EMP1: variants seen among roughly 807,000 people sequenced by gnomAD.
The protein encoded by EMP1 is tumor-associated membrane protein.
EMP1 carries 5 observed loss-of-function variants against 15.7 expected under a neutral mutation model. The observed-to-expected ratio is 0.32, with a 90% CI of 0.17 to 0.67. The LOEUF is 0.67. EMP1 is among the 30% of genes least tolerant of loss of function. The pLI is 0.74. For missense variants in EMP1, 166 were observed against 194.2 expected (o/e 0.85, Z 0.86); for synonymous variants, 78 against 76.7 (o/e 1.02, Z -0.09).
intron 2 of EMP1, among the ~76,000 whole-genome samples, chr12:13,212,550 C>CATTCTATATGTCTAT (rs1356626251): frequency 6.6e-6 from 1 of 152,192 alleles, no homozygotes; most frequent in Non-Finnish European, 1.5e-5. Context: ...GTAATTTAGC[C>CATTCTATATGTCTAT]ATTCTATATG....
chr12:13,204,776 C>T (rs924365781), intron 1 of EMP1, among the ~76,000 whole-genome samples: 2 of 152,154 alleles, frequency 1.3e-5, no homozygotes, highest in Non-Finnish European at 2.9e-5. Context: ...TTACAGTTAT[C>T]CAGAAAGAGA....
intron 4 of EMP1, chr12:13,214,167 A>G (rs1309457945): frequency 3.3e-6 from 2 of 601,922 alleles, no homozygotes; most frequent in Non-Finnish European, 5.9e-6. Context: ...TTCTCACTTA[A>G]TTGTTGTTCT....
intron 1 of EMP1, among the ~76,000 whole-genome samples, chr12:13,200,470 C>A (rs1386507990): frequency 6.6e-6 from 1 of 152,184 alleles, no homozygotes; most frequent in East Asian, 1.9e-4. Flanking sequence ...TCACCATAAG[C>A]TTCCCTTTTC....
chr12:13,202,074 A>G (rs924948345), intron 1 of EMP1, among the ~76,000 whole-genome samples: 1 of 152,154 alleles, frequency 6.6e-6, no homozygotes, highest in Non-Finnish European at 1.5e-5. Context: ...ACCTAGAAGC[A>G]GGAGAAAAAG....
intron 2 of EMP1, 105 bp from the exon 3 acceptor site, chr12:13,213,374 G>GA: frequency 9.8e-7 from 1 of 1,017,634 alleles, no homozygotes; most frequent in South Asian, 1.5e-5. Flanking sequence ...TAGCTAAATA[G>GA]AATGTCTTTA....
chr12:13,200,347 G>A (rs895670494), intron 1 of EMP1, among the ~76,000 whole-genome samples: 5 of 152,094 alleles, frequency 3.3e-5, no homozygotes, highest in African/African-American at 1.2e-4. Flanking sequence ...TAGTAATTAC[G>A]GGAACAGGCT....
rs1864218780 is a variant in EMP1, at chr12:13,216,665, C to A, written c.*1974C>A. ...ATTACTCTGGTGGATTGTTCTAGTA[C>A]TGTATTGGGCTTCTTCGTTAATAGA... On this transcript the variant is annotated 3_prime_UTR_variant, in exon 5 of 5. Coordinates refer to ENST00000256951, the MANE Select transcript of EMP1 (RefSeq NM_001423.3). The A allele has an allele frequency of 1.9e-6, 1 of 519,974 alleles. No homozygotes were observed. Among genetic ancestry groups the A allele is most frequent in the African/African-American group, 2.0e-5 (1 of 50,618 alleles). The allele number at this position is 519,974 out of a possible 1,614,324, so 32.2% of individuals were successfully genotyped here. A position where few individuals can be genotyped will look rare whatever the true frequency, so the allele number is the denominator to read the frequency against.
Position 13,199,943 on chromosome 12 carries a change from T to TTTC in EMP1, c.-43+3092_-43+3094dup, listed in dbSNP as rs760303373. On this transcript the variant is annotated intron_variant, in intron 1 of 4. Transcript: ENST00000256951. ...TTGATGGATCTACATTGCATTATCTTTTCTTCTTCTTCTTCTTCTTCTTTT... is the reference window on the plus strand; with the variant it reads ...TTGATGGATCTACATTGCATTATCTTTTCTTCTTCTTCTTCTTCTTCTTCTTTT... Among the ~76,000 whole-genome samples, 599 of 149,516 alleles carry TTTC rather than the reference T, an allele frequency of 4.0e-3. 2 individuals are homozygous for TTTC. The highest frequency in any genetic ancestry group is 6.7e-3 in the Admixed American group (101 of 15,086).
chr12:13,207,793 T>C (rs936182058), intron 1 of EMP1, among the ~76,000 whole-genome samples: 2 of 152,300 alleles, frequency 1.3e-5, no homozygotes, highest in South Asian at 4.1e-4. Context: ...GTTCCTGGCA[T>C]CCACATAGAA....
Position 13,213,751 on chromosome 12 carries a change from C to G in EMP1, c.246C>G (p.Phe82Leu), listed in dbSNP as rs780084917. The change falls in exon 4 of 5, where the codon TTC becomes TTG. Residue 82 changes from phenylalanine to leucine, a missense_variant. Transcript: ENST00000256951. Reference protein sequence around the residue: ...IIFCVIALLVFVFQLFTMEKG... With the variant: ...IIFCVIALLVLVFQLFTMEKG... ...TCTGTGTCATTGCCCTCCTGGTCTTCGTGTTCCAGCTCTTCACCATGGAGA... is the reference window on the plus strand; with the variant it reads ...TCTGTGTCATTGCCCTCCTGGTCTTGGTGTTCCAGCTCTTCACCATGGAGA... 2 of 1,614,052 alleles carry G rather than the reference C, an allele frequency of 1.2e-6. No individual in the cohort carries two copies. The highest frequency in any genetic ancestry group is 2.7e-5 in the African/African-American group (2 of 74,908).
intron 2 of EMP1, 116 bp from the exon 3 acceptor site, chr12:13,213,363 A>G (rs1864183621): frequency 1.1e-6 from 1 of 925,348 alleles, no homozygotes; most frequent in Non-Finnish European, 1.7e-6. Context: ...AGCCATAGTT[A>G]TAGCTAAATA....
rs1591711485 is a variant in EMP1 at position 13,215,495 on chromosome 12, A to G, written c.*804A>G. On this transcript the variant is annotated 3_prime_UTR_variant, in exon 5 of 5. Coordinates refer to ENST00000256951, the MANE Select transcript of EMP1 (RefSeq NM_001423.3). Reference sequence around the variant, plus strand: ...TGAACAATTCGGTGGTAAAAGTACCACACAAACTATGGGATCCAAGGGGCA... The same window carrying G: ...TGAACAATTCGGTGGTAAAAGTACCGCACAAACTATGGGATCCAAGGGGCA... 6.6e-6 allele frequency: 1 copy of G among 152,212 alleles called. No individual in the cohort carries two copies. The highest frequency in any genetic ancestry group is 1.9e-4 in the East Asian group (1 of 5,196). The allele number at this position is 152,212 out of a possible 1,614,324, so 9.4% of individuals were successfully genotyped here.
Position 13,217,291 on chromosome 12 carries a change from A to G in EMP1, c.*2600A>G, listed in dbSNP as rs967591497. ...TCTTTCTGTGAGCAATAAGGACTGG[A>G]TAAAGACTGCATATCCTTGTGTCGT... On this transcript the variant is annotated 3_prime_UTR_variant, in exon 5 of 5. Transcript: ENST00000256951. The G allele has an allele frequency of 2.6e-5, 4 of 152,210 alleles. No homozygotes were observed. Among genetic ancestry groups the G allele is most frequent in the Non-Finnish European group, 5.9e-5 (4 of 68,042 alleles). 9.4% of individuals were successfully genotyped at this position (152,210 alleles called of 1,614,324 possible). A position where few individuals can be genotyped will look rare whatever the true frequency, so the allele number is the denominator to read the frequency against.
In EMP1 at chr12:13,217,685, A is replaced by G. The variant is rs2121168328; in HGVS notation, c.*2994A>G. ...GACTCTGCAACAAACTCCTAGCTCT[A>G]TCCAGAGTGTCCTCTGCTGCTAAGA... On this transcript the variant is annotated 3_prime_UTR_variant, in exon 5 of 5. Transcript: ENST00000256951. 6.6e-6 allele frequency: 1 copy of G among 152,294 alleles called. No individual in the cohort carries two copies. Among genetic ancestry groups the G allele is most frequent in the Middle Eastern group, 3.4e-3 (1 of 294 alleles). 9.4% of individuals were successfully genotyped at this position (152,294 alleles called of 1,614,324 possible). A position where few individuals can be genotyped will look rare whatever the true frequency, so the allele number is the denominator to read the frequency against.
In EMP1 at chr12:13,216,681, C is replaced by A; in HGVS notation, c.*1990C>A. On this transcript the variant is annotated 3_prime_UTR_variant, in exon 5 of 5. Transcript: ENST00000256951. ...GTTCTAGTACTGTATTGGGCTTCTT[C>A]GTTAATAGATTATTTCATATACTAT... 2.1e-6 allele frequency: 1 copy of A among 472,270 alleles called. No homozygotes were observed. The highest frequency in any genetic ancestry group is 3.9e-5 in the South Asian group (1 of 25,542). The allele number at this position is 472,270 out of a possible 1,614,324, so 29.3% of individuals were successfully genotyped here. A position where few individuals can be genotyped will look rare whatever the true frequency, so the allele number is the denominator to read the frequency against.
chr12:13,199,864 A>G (rs1348234036), intron 1 of EMP1, among the ~76,000 whole-genome samples: 2 of 152,074 alleles, frequency 1.3e-5, no homozygotes, highest in Non-Finnish European at 2.9e-5. Context: ...GCTCCACCCA[A>G]TGATTCTCAT....
Position 13,214,622 on chromosome 12 carries a change from C to T in EMP1, c.405C>T (p.Ile135=). The T allele has an allele frequency of 6.2e-7, 1 of 1,613,934 alleles. No homozygotes were observed. The highest frequency in any genetic ancestry group is 8.5e-7 in the Non-Finnish European group (1 of 1,180,000). The change falls in exon 5 of 5, where the codon ATC becomes ATT. Residue 135 remains isoleucine, a synonymous_variant. Transcript: ENST00000256951. ...GTQYHHGYSY[I]LGWICFCFSF... ...AGTATCACCACGGCTATTCCTACAT[C>T]CTGGGCTGGATCTGCTTCTGCTTCA...
chr12:13,214,526 C>T lies in EMP1; in HGVS notation c.317-8C>T. The T allele has an allele frequency of 4.3e-6, 7 of 1,609,264 alleles. No homozygotes were observed. Among genetic ancestry groups the T allele is most frequent in the Non-Finnish European group, 5.9e-6 (7 of 1,177,498 alleles). On this transcript the variant is annotated splice_region_variant and splice_polypyrimidine_tract_variant and intron_variant, in intron 4 of 4. Transcript: ENST00000256951. ...AAACACACCGACAAATCTCCTTTTC[C>T]CCTGCAGGGCTGTGCATTCTTGTGG...
At chr12:13,212,125 C>T (rs1486749164) in intron 2 of EMP1, among the ~76,000 whole-genome samples, 1 of 152,088 alleles carries the variant, frequency 6.6e-6, no homozygotes, top group Non-Finnish European at 1.5e-5. Flanking sequence ...CTGACAAATT[C>T]AAATTTTGAG....
Sources: allele counts gnomAD v4.1 joint callset (sites outside exome capture counted in the v4.1 genomes callset), GRCh38; gene constraint gnomAD v4.1.1; transcripts MANE v1.5; gene names NCBI Gene and HGNC (gene_info 2026-07-23, HGNC 2026-07-21).